The following TTLL7 variants were observed in gnomAD, a reference collection of about 807,000 sequenced individuals.
The protein encoded by TTLL7 is tubulin polyglutamylase TTLL7.
A neutral mutation model predicts 120.2 loss-of-function variants in TTLL7; 53 were observed. That is an observed-to-expected ratio of 0.44 (90% CI 0.35 to 0.55). TTLL7 has a LOEUF of 0.55. TTLL7 is among the 20% of genes least tolerant of loss of function. TTLL7 has a pLI of 0.00. For synonymous variants in TTLL7, 353 were observed against 351.7 expected (o/e 1.00, Z -0.04); for missense variants, 803 against 1,054.7 (o/e 0.76, Z 3.31).
intron 18 of TTLL7, among the ~76,000 whole-genome samples, chr1:83,890,939 A>T (rs557734248): frequency 6.6e-6 from 1 of 152,188 alleles, no homozygotes; most frequent in East Asian, 1.9e-4. Flanking sequence ...AGAAAAGATA[A>T]AGCTGAATCC....
chr1:83,969,125 CA>C (rs1209238909), intron 1 of TTLL7, among the ~76,000 whole-genome samples: 2 of 151,832 alleles, frequency 1.3e-5, no homozygotes, highest in Non-Finnish European at 2.9e-5. Flanking sequence ...TATTCAATGT[CA>C]GTATTTTGTG....
intron 20 of TTLL7, among the ~76,000 whole-genome samples, chr1:83,872,540 A>G (rs1451659955): frequency 6.6e-6 from 1 of 152,236 alleles, no homozygotes; most frequent in Admixed American, 6.5e-5. Flanking sequence ...TCTACCTTCT[A>G]CTGAAAATAC....
chr1:83,989,332 A>G (rs185990331), intron 1 of TTLL7, among the ~76,000 whole-genome samples: 1 of 152,342 alleles, frequency 6.6e-6, no homozygotes, highest in East Asian at 1.9e-4. Flanking sequence ...TCTTTAAAAC[A>G]GCTAGTTTTT....
intron 9 of TTLL7, among the ~76,000 whole-genome samples, chr1:83,929,842 C>T (rs545281251): frequency 1.3e-5 from 2 of 152,198 alleles, no homozygotes; most frequent in East Asian, 3.9e-4. Flanking sequence ...TCAGTTAAAT[C>T]GGTTGGTTAG....
At chr1:83,988,717 T>C (rs1027404702) in intron 1 of TTLL7, among the ~76,000 whole-genome samples, 28 of 146,086 alleles carry the variant, frequency 1.9e-4, no homozygotes, top group African/African-American at 7.0e-4. Flanking sequence ...TTTGGCCACC[T>C]TTTTTTTTTT....
chr1:83,900,219 A>C, intron 18 of TTLL7: 1 of 421,694 alleles, frequency 2.4e-6, no homozygotes, highest in South Asian at 1.8e-5. Flanking sequence ...CTACAGAAAG[A>C]AGCAGCTAGC....
chr1:83,971,106 T>C (rs1251878614), intron 1 of TTLL7, among the ~76,000 whole-genome samples: 1 of 152,022 alleles, frequency 6.6e-6, no homozygotes, highest in African/African-American at 2.4e-5. Context: ...ATGCAGATAC[T>C]AACACACAGT....
chr1:83,936,303 C>T (rs1196824445), intron 8 of TTLL7, among the ~76,000 whole-genome samples: 1 of 152,060 alleles, frequency 6.6e-6, no homozygotes, highest in Non-Finnish European at 1.5e-5. Flanking sequence ...CAGGTTTTCA[C>T]AGACATGTCC....
intron 18 of TTLL7, among the ~76,000 whole-genome samples, chr1:83,896,069 G>A (rs1656195792): frequency 6.6e-6 from 1 of 152,088 alleles, no homozygotes. Context: ...ATTAGTGCTA[G>A]TTCTACCTGT....
At chr1:83,909,601 T>C (rs1226722809) in intron 15 of TTLL7, among the ~76,000 whole-genome samples, 3 of 151,970 alleles carry the variant, frequency 2.0e-5, no homozygotes, top group Admixed American at 1.3e-4. Flanking sequence ...AAATAAAATA[T>C]AACTAATAAA....
intron 19 of TTLL7, among the ~76,000 whole-genome samples, chr1:83,889,138 T>C (rs1655225547): frequency 6.6e-6 from 1 of 152,070 alleles, no homozygotes; most frequent in African/African-American, 2.4e-5. Flanking sequence ...CTTACAATCA[T>C]GGCAGAAGGG....
At chr1:83,989,308 G>A (rs979329354) in intron 1 of TTLL7, among the ~76,000 whole-genome samples, 1 of 152,142 alleles carries the variant, frequency 6.6e-6, no homozygotes, top group African/African-American at 2.4e-5. Flanking sequence ...ATAGTTTGAG[G>A]ACTTATATTT....
intron 20 of TTLL7, among the ~76,000 whole-genome samples, chr1:83,875,259 TG>T (rs1334030046): frequency 6.6e-6 from 1 of 151,970 alleles, no homozygotes; most frequent in African/African-American, 2.4e-5. Context: ...TAGTTTTGCC[TG>T]TTTTTGATTT....
chr1:83,940,953 G>T (rs1030285273), intron 7 of TTLL7, among the ~76,000 whole-genome samples: 1 of 151,998 alleles, frequency 6.6e-6, no homozygotes, highest in African/African-American at 2.4e-5. Flanking sequence ...AAGAGATCTG[G>T]TTTCTAGGAC....
chr1:83,974,013 T>C (rs1651234714), intron 1 of TTLL7, among the ~76,000 whole-genome samples: 1 of 152,018 alleles, frequency 6.6e-6, no homozygotes, highest in African/African-American at 2.4e-5. Flanking sequence ...ATTTTTGCGG[T>C]TCACTCTATA....
Position 83,904,064 on chromosome 1 carries a change from T to C in TTLL7, c.2208+15A>G. On this transcript the variant is annotated intron_variant, in intron 18 of 20. Transcript: ENST00000260505. Reference sequence around the variant, plus strand: ...TAATCCAAGAGGGAAAAAACTTGTTTTGAGCATTACTCACTTTTCGTTGTT... The same window carrying C: ...TAATCCAAGAGGGAAAAAACTTGTTCTGAGCATTACTCACTTTTCGTTGTT... The C allele has an allele frequency of 6.2e-7, 1 of 1,606,950 alleles. No homozygotes were observed. Among genetic ancestry groups the C allele is most frequent in the Non-Finnish European group, 8.5e-7 (1 of 1,174,792 alleles).
intron 1 of TTLL7, among the ~76,000 whole-genome samples, chr1:83,995,760 C>G (rs914248832): frequency 8.5e-5 from 13 of 152,084 alleles, no homozygotes; most frequent in Admixed American, 6.5e-4. Flanking sequence ...AGACTCTATG[C>G]AAAGGAACTA....
At chr1:83,988,732 T>C (rs1185978912) in intron 1 of TTLL7, among the ~76,000 whole-genome samples, 3 of 151,796 alleles carry the variant, frequency 2.0e-5, no homozygotes, top group Admixed American at 2.0e-4. Context: ...TTTTTTAAGA[T>C]GGAGTCTCGC....
chr1:83,922,415 T>C (rs949665796), intron 10 of TTLL7, among the ~76,000 whole-genome samples: 15 of 152,070 alleles, frequency 9.9e-5, no homozygotes, highest in Admixed American at 4.6e-4. Flanking sequence ...CATCATGAGA[T>C]TGCATGAAGA....
Sources: allele counts gnomAD v4.1 joint callset (sites outside exome capture counted in the v4.1 genomes callset), GRCh38; gene constraint gnomAD v4.1.1; transcripts MANE v1.5; gene names NCBI Gene and HGNC (gene_info 2026-07-23, HGNC 2026-07-21).